MXD1: variants seen among roughly 807,000 people sequenced by gnomAD.
MXD1 encodes MAX-binding protein.
In MXD1, 9 loss-of-function variants were observed where a neutral mutation model predicts 25.7. The observed-to-expected ratio is 0.35, with a 90% CI of 0.21 to 0.61. The LOEUF is 0.61. MXD1 is among the 20% of genes least tolerant of loss of function. MXD1 has a pLI of 0.75. For synonymous variants in MXD1, 99 were observed against 113.9 expected, an observed-to-expected ratio of 0.87 and a Z score of 0.83; for missense variants, 227 against 292.4, an observed-to-expected ratio of 0.78 and a Z score of 1.63.
chr2:69,939,948 C>T lies in MXD1; in HGVS notation c.*1664C>T, dbSNP rs184682416. 3 of 152,304 alleles carry T rather than the reference C, an allele frequency of 2.0e-5. No homozygotes were observed. Among genetic ancestry groups the T allele is most frequent in the Non-Finnish European group, 2.9e-5 (2 of 68,036 alleles). 9.4% of individuals were successfully genotyped at this position (152,304 alleles called of 1,614,324 possible). A position where few individuals can be genotyped will look rare whatever the true frequency, so the allele number is the denominator to read the frequency against. On this transcript the variant is annotated 3_prime_UTR_variant, in exon 6 of 6. Coordinates refer to ENST00000264444, the MANE Select transcript of MXD1 (RefSeq NM_002357.4). ...TCCACACGGAAGCTCATTCTATACC[C>T]GAAGAGCAGTCTCAGAAAGCAAGAT...
intron 2 of MXD1, among the ~76,000 whole-genome samples, chr2:69,918,220 C>T (rs924024540): frequency 1.3e-5 from 2 of 152,072 alleles, no homozygotes; most frequent in Admixed American, 1.3e-4. Context: ...TTTACATAAC[C>T]CTTGGATAAC....
chr2:69,933,649 AG>A (rs1219959921), intron 3 of MXD1, among the ~76,000 whole-genome samples: 1 of 152,198 alleles, frequency 6.6e-6, no homozygotes, highest in Non-Finnish European at 1.5e-5. Context: ...CTCAGAAGGA[AG>A]GAAGTCTAAT....
chr2:69,921,099 G>C (rs1053060536), intron 2 of MXD1, among the ~76,000 whole-genome samples: 3 of 152,130 alleles, frequency 2.0e-5, no homozygotes, highest in Non-Finnish European at 4.4e-5. Flanking sequence ...CAGTATATCA[G>C]TGGCAAAGCT....
intron 1 of MXD1, 50 bp from the exon 2 acceptor site, chr2:69,916,071 G>C (rs753344951): frequency 1.1e-6 from 1 of 945,544 alleles, no homozygotes; most frequent in South Asian, 1.3e-5. Flanking sequence ...AGAGGAGAGA[G>C]CATTAAATAT....
chr2:69,933,802 A>G (rs1427318246), intron 3 of MXD1, among the ~76,000 whole-genome samples: 1 of 152,178 alleles, frequency 6.6e-6, no homozygotes, highest in Non-Finnish European at 1.5e-5. Context: ...CTATATTTTC[A>G]ACTTTTGCTA....
rs910714550 is a variant in MXD1 at position 69,915,630 on chromosome 2, C to G, written c.73+227C>G. Among the ~76,000 whole-genome samples, 2 of 152,210 alleles carry G rather than the reference C, an allele frequency of 1.3e-5. No individual in the cohort carries two copies. Among genetic ancestry groups the G allele is most frequent in the Non-Finnish European group, 2.9e-5 (2 of 68,030 alleles). On this transcript the variant is annotated intron_variant, in intron 1 of 5. Transcript: ENST00000264444. The surrounding 1 kb of genome is among the most constrained non-coding windows in gnomAD (Gnocchi z 5.8). ...CTGCCGCCCGCCGGGGTCCCGAACG[C>G]CGCCCCTTCCCCAGCCCTTCACGAG...
intron 2 of MXD1, among the ~76,000 whole-genome samples, chr2:69,921,211 C>T (rs1254357569): frequency 6.6e-6 from 1 of 152,152 alleles, no homozygotes; most frequent in African/African-American, 2.4e-5. Context: ...TGCTATTTAA[C>T]AGTAGCATCT....
At chr2:69,937,062 G>A (rs1405307203) in intron 4 of MXD1, 173 bp from the exon 5 acceptor site, 10 of 846,042 alleles carry the variant, frequency 1.2e-5, no homozygotes, top group Non-Finnish European at 2.0e-5. Context: ...GTCAGACGAA[G>A]CCAGGAGTCA....
At chr2:69,925,089 C>G (rs1677145032) in intron 3 of MXD1, among the ~76,000 whole-genome samples, 1 of 152,104 alleles carries the variant, frequency 6.6e-6, no homozygotes, top group African/African-American at 2.4e-5. Flanking sequence ...GGTGCTGGGA[C>G]TACAGAATCC....
At chr2:69,935,253 G>A (rs866462158) in intron 3 of MXD1, 98 bp from the exon 4 acceptor site, 22 of 815,416 alleles carry the variant, frequency 2.7e-5, no homozygotes, top group South Asian at 2.4e-4. Context: ...CCATCGCAAG[G>A]CCTGGGCAAC....
chr2:69,940,183 C>G lies in MXD1; in HGVS notation c.*1899C>G, dbSNP rs1677564120. 1.3e-5 allele frequency: 2 copies of G among 148,212 alleles called. No homozygotes were observed. Among genetic ancestry groups the G allele is most frequent in the Admixed American group, 6.7e-5 (1 of 14,846 alleles). The allele number at this position is 148,212 out of a possible 1,614,324, so 9.2% of individuals were successfully genotyped here. A position where few individuals can be genotyped will look rare whatever the true frequency, so the allele number is the denominator to read the frequency against. Reference sequence around the variant, plus strand: ...TTTTTTTTAATTTTTGGAATCTTTTCCAATAACCAGCTAAAGATTTGCACT... The same window carrying G: ...TTTTTTTTAATTTTTGGAATCTTTTGCAATAACCAGCTAAAGATTTGCACT... On this transcript the variant is annotated 3_prime_UTR_variant, in exon 6 of 6. Coordinates refer to ENST00000264444, the MANE Select transcript of MXD1 (RefSeq NM_002357.4).
rs1266245762 is a variant in MXD1, at chr2:69,915,387, G to A, written c.57G>A (p.Leu19=). 2.4e-5 allele frequency: 31 copies of A among 1,285,792 alleles called. No individual in the cohort carries two copies. The highest frequency in any genetic ancestry group is 3.0e-5 in the Non-Finnish European group (30 of 1,006,734). The allele number at this position is 1,285,792 out of a possible 1,614,324, so 79.6% of individuals were successfully genotyped here. ...TGCTGCTGGAGGCGGCCGACTATCTGGAGCGGCGGGAGAGAGGTGCACGGG... is the reference window on the plus strand; with the variant it reads ...TGCTGCTGGAGGCGGCCGACTATCTAGAGCGGCGGGAGAGAGGTGCACGGG... ...IQMLLEAADY[L]ERREREAEHG... The change falls in exon 1 of 6, where the codon CTG becomes CTA. Residue 19 remains leucine (L), a synonymous_variant. Coordinates refer to ENST00000264444, the MANE Select transcript of MXD1 (RefSeq NM_002357.4). This position sits in a 1 kb window ranked among gnomAD's most constrained non-coding sequence, Gnocchi z 5.8.
In MXD1 at chr2:69,915,253, GCTCCA is replaced by G; in HGVS notation, c.-76_-72del. ...GGCTCCACAGCGGGCTCCATAGCGG[GCTCCA>G]CAGCGGTCCGGCGGCGGCAGCGAGC... On this transcript the variant is annotated 5_prime_UTR_variant, in exon 1 of 6. Transcript: ENST00000264444. The surrounding 1 kb of genome is among the most constrained non-coding windows in gnomAD (Gnocchi z 5.8). 8.1e-7 allele frequency: 1 copy of G among 1,234,220 alleles called. No individual in the cohort carries two copies. Among genetic ancestry groups the G allele is most frequent in the South Asian group, 2.8e-5 (1 of 35,286 alleles). The allele number at this position is 1,234,220 out of a possible 1,614,324, so 76.5% of individuals were successfully genotyped here.
intron 3 of MXD1, among the ~76,000 whole-genome samples, chr2:69,932,072 G>A (rs530648840): frequency 6.6e-6 from 1 of 152,260 alleles, no homozygotes; most frequent in Admixed American, 6.5e-5. Flanking sequence ...AGTTTGACCT[G>A]GTTTAAAATG....
At chr2:69,927,716 G>A (rs1339822542) in intron 3 of MXD1, among the ~76,000 whole-genome samples, 11 of 152,202 alleles carry the variant, frequency 7.2e-5, no homozygotes, top group Non-Finnish European at 1.5e-5. Context: ...GTGTACTTAT[G>A]TATTTCATAC....
chr2:69,941,861 TATACACAC>T lies in MXD1; in HGVS notation c.*3579_*3586del, dbSNP rs940997048. 6.9e-4 allele frequency: 105 copies of T among 151,366 alleles called. No individual in the cohort carries two copies. Among genetic ancestry groups the T allele is most frequent in the African/African-American group, 2.5e-3 (102 of 40,884 alleles). 9.4% of individuals were successfully genotyped at this position (151,366 alleles called of 1,614,324 possible). A position where few individuals can be genotyped will look rare whatever the true frequency, so the allele number is the denominator to read the frequency against. On this transcript the variant is annotated 3_prime_UTR_variant, in exon 6 of 6. Coordinates refer to ENST00000264444, the MANE Select transcript of MXD1 (RefSeq NM_002357.4). ...AACTTATTTTTGAAAAGTATCTATA[TATACACAC>T]ACACACACACACACACATATTATTA...
At chr2:69,932,588 A>T (rs1260136612) in intron 3 of MXD1, among the ~76,000 whole-genome samples, 1 of 152,240 alleles carries the variant, frequency 6.6e-6, no homozygotes, top group African/African-American at 2.4e-5. Flanking sequence ...TGAATGAACA[A>T]GTATTAGTCT....
At chr2:69,928,703 CAAAAA>C (rs35921399) in intron 3 of MXD1, among the ~76,000 whole-genome samples, 2 of 128,150 alleles carry the variant, frequency 1.6e-5, no homozygotes, top group Non-Finnish European at 1.7e-5. Flanking sequence ...CCATCTGTAC[CAAAAA>C]AAAAAAAAAA....
rs534114856 is a variant in MXD1 at position 69,937,172 on chromosome 2, G to A, written c.319-63G>A. ...ATTCCACTGCTAGAAGGGAAGATGC[G>A]GGGGCCATTGCCCATTTAGAGATCT... On this transcript the variant is annotated intron_variant, in intron 4 of 5. Transcript: ENST00000264444. The A allele has an allele frequency of 1.2e-4, 196 of 1,592,740 alleles. 2 individuals carry two copies. In the South Asian group the frequency reaches 2.0e-3, roughly 16 times the overall value.
Sources: gnomAD v4.1 joint callset for allele counts (sites outside exome capture counted in the v4.1 genomes callset) on GRCh38, gnomAD v4.1.1 for gene constraint, Gnocchi (gnomAD v3.1) non-coding constraint, MANE v1.5 for transcripts, NCBI Gene and HGNC (gene_info 2026-07-23, HGNC 2026-07-21) for gene names.